CCDC60: variants seen among roughly 807,000 people sequenced by gnomAD.
The protein encoded by CCDC60 is coiled-coil domain containing 60.
In CCDC60, 54 loss-of-function variants were observed where a neutral mutation model predicts 63.5. The ratio of observed to expected loss-of-function variants is 0.85; its 90% CI spans 0.68 to 1.07. The LOEUF is 1.07. Among genes scored for constraint, CCDC60 ranks in the 50% least tolerant of loss-of-function variants. The pLI is 0.00. For missense variants in CCDC60, 651 were observed against 684.3 expected (o/e 0.95, Z 0.54); for synonymous variants, 206 against 238.8 (o/e 0.86, Z 1.27).
At chr12:119,419,683 G>T (rs1181957437) in intron 1 of CCDC60, among the ~76,000 whole-genome samples, 4 of 151,934 alleles carry the variant, frequency 2.6e-5, no homozygotes, top group Non-Finnish European at 4.4e-5. Flanking sequence ...TTCCTTCCCA[G>T]GGATCATTGT....
At chr12:119,446,861 G>A (rs564002630) in intron 2 of CCDC60, among the ~76,000 whole-genome samples, 5 of 152,132 alleles carry the variant, frequency 3.3e-5, no homozygotes, top group African/African-American at 1.2e-4. Context: ...AAGTCACAGG[G>A]AGTTGGTGGA....
intron 1 of CCDC60, among the ~76,000 whole-genome samples, chr12:119,394,522 A>G (rs1373543374): frequency 6.6e-6 from 1 of 152,180 alleles, no homozygotes; most frequent in Non-Finnish European, 1.5e-5. Flanking sequence ...GGCATCCCCT[A>G]AAAGCACAGT....
At position 119,483,896 on chromosome 12, in the gene CCDC60, T is replaced by C. The variant is rs568776438; in HGVS notation, c.449+4695T>C. On this transcript the variant is annotated intron_variant, in intron 4 of 13. Transcript: ENST00000327554. ...ATGCTATGACCTGACACATGATCATTATGAGAAAAGACCGATTTCTATCAA... is the reference window on the plus strand; with the variant it reads ...ATGCTATGACCTGACACATGATCATCATGAGAAAAGACCGATTTCTATCAA... 5.3e-4 allele frequency among the ~76,000 whole-genome samples: 81 copies of C among 152,142 alleles called. 2 individuals are homozygous for C. In the South Asian group the frequency reaches 0.016, roughly 31 times the overall value.
At chr12:119,375,746 A>G (rs1192093602) in intron 1 of CCDC60, among the ~76,000 whole-genome samples, 1 of 152,172 alleles carries the variant, frequency 6.6e-6, no homozygotes, top group East Asian at 1.9e-4. Flanking sequence ...CGTGGAGGGA[A>G]GTGGCTTGGA....
intron 6 of CCDC60, among the ~76,000 whole-genome samples, chr12:119,503,918 C>T (rs547594963): frequency 1.3e-5 from 2 of 152,266 alleles, no homozygotes; most frequent in African/African-American, 4.8e-5. Flanking sequence ...AAAGAAAACA[C>T]CAGTCTATCC....
intron 1 of CCDC60, among the ~76,000 whole-genome samples, chr12:119,424,864 G>A (rs1458072047): frequency 6.6e-6 from 1 of 152,142 alleles, no homozygotes; most frequent in African/African-American, 2.4e-5. Context: ...TGCTGACATA[G>A]TTGTGAGGCT....
Position 119,350,202 on chromosome 12 carries a change from TTTATTTA to T in CCDC60, c.90+14939_90+14945del, listed in dbSNP as rs1555230774. Among the ~76,000 whole-genome samples, 3 of 151,212 alleles carry T rather than the reference TTTATTTA, an allele frequency of 2.0e-5. No homozygotes were observed. In the South Asian group the frequency reaches 6.3e-4, roughly 32 times the overall value. On this transcript the variant is annotated intron_variant, in intron 1 of 13. Coordinates refer to ENST00000327554, the MANE Select transcript of CCDC60 (RefSeq NM_178499.5). The stretch of plus-strand genomic sequence containing the variant: ...ATTTATTTATTTATTTATTTATTTA[TTTATTTA>T]TTTTTTGAGACAGAGTCTCGCTCTG...
In CCDC60 at chr12:119,540,786, G is replaced by C. The variant is rs1475191028; in HGVS notation, c.*71G>C. Reference sequence around the variant, plus strand: ...TATATCATGTTCCTGTATCCTGCCTGTGTTCCTGCCTCCTGACTACCCTCA... The same window carrying C: ...TATATCATGTTCCTGTATCCTGCCTCTGTTCCTGCCTCCTGACTACCCTCA... On this transcript the variant is annotated 3_prime_UTR_variant, in exon 14 of 14. Coordinates refer to ENST00000327554, the MANE Select transcript of CCDC60 (RefSeq NM_178499.5). 1.8e-6 allele frequency: 2 copies of C among 1,095,002 alleles called. No homozygotes were observed. The highest frequency in any genetic ancestry group is 4.8e-5 in the East Asian group (2 of 41,910). The allele number at this position is 1,095,002 out of a possible 1,614,324, so 67.8% of individuals were successfully genotyped here. A position where few individuals can be genotyped will look rare whatever the true frequency, so the allele number is the denominator to read the frequency against.
At chr12:119,503,253 T>TA (rs746199712) in intron 6 of CCDC60, among the ~76,000 whole-genome samples, 14 of 152,338 alleles carry the variant, frequency 9.2e-5, no homozygotes, top group Non-Finnish European at 1.8e-4. Context: ...TTGTTCTAGA[T>TA]AAAATGGAAA....
intron 2 of CCDC60, chr12:119,429,506 T>A (rs915548034): frequency 6.6e-6 from 1 of 152,190 alleles, no homozygotes; most frequent in Non-Finnish European, 1.5e-5. Context: ...ACGTAAGATG[T>A]GTGCTGAGAG....
intron 5 of CCDC60, among the ~76,000 whole-genome samples, chr12:119,490,322 A>C (rs1050918610): frequency 2.6e-5 from 4 of 152,230 alleles, no homozygotes; most frequent in African/African-American, 9.6e-5. Context: ...AGTGGTTGAC[A>C]GACTTTATTT....
chr12:119,508,690 C>G (rs1463412801), intron 7 of CCDC60, among the ~76,000 whole-genome samples: 2 of 152,150 alleles, frequency 1.3e-5, no homozygotes, highest in African/African-American at 4.8e-5. Flanking sequence ...CCAGAGCACG[C>G]AGGGCCTTTG....
intron 2 of CCDC60, among the ~76,000 whole-genome samples, chr12:119,450,587 A>G (rs1019017455): frequency 6.6e-6 from 1 of 152,254 alleles, no homozygotes; most frequent in Admixed American, 6.5e-5. Flanking sequence ...GGCCGGGCGC[A>G]GTGGCTCACG....
At position 119,534,634 on chromosome 12, in the gene CCDC60, G is replaced by A. The variant is rs550558425; in HGVS notation, c.1551+3571G>A. Reference sequence around the variant, plus strand: ...AGAGTTTTTAGCATGAAGGGCTGTTGAATTTTGTCAAAGGCCTTTTCTGCA... The same window carrying A: ...AGAGTTTTTAGCATGAAGGGCTGTTAAATTTTGTCAAAGGCCTTTTCTGCA... On this transcript the variant is annotated intron_variant, in intron 13 of 13. Coordinates refer to ENST00000327554, the MANE Select transcript of CCDC60 (RefSeq NM_178499.5). 1.1e-4 allele frequency among the ~76,000 whole-genome samples: 16 copies of A among 152,310 alleles called. No homozygotes were observed. The South Asian group carries it at 3.1e-3, about 30-fold the overall frequency.
At chr12:119,522,879 G>A in intron 9 of CCDC60, 60 bp from the exon 10 acceptor site, 1 of 1,512,400 alleles carries the variant, frequency 6.6e-7, no homozygotes, top group Non-Finnish European at 9.2e-7. Context: ...GAGCACTGGG[G>A]GCACCCTTTT....
intron 1 of CCDC60, among the ~76,000 whole-genome samples, chr12:119,394,933 A>G (rs532129854): frequency 7.2e-5 from 11 of 152,292 alleles, no homozygotes; most frequent in African/African-American, 2.6e-4. Flanking sequence ...AGCATGACTA[A>G]CTCAGCCAGT....
chr12:119,524,721 C>CTTTTTTTTTTTTTTTTTTTTTTTT lies in CCDC60; in HGVS notation c.1229+922_1229+923insTTTTTTTTTTTTTTTTTTTTTTTT, dbSNP rs55694840. On this transcript the variant is annotated intron_variant, in intron 11 of 13. Coordinates refer to ENST00000327554, the MANE Select transcript of CCDC60 (RefSeq NM_178499.5). ...ACAGCAGTTTCTTTTCTTTTCTTTTCTTTTTTTTTTTTTTTTTTTGAGACA... is the reference window on the plus strand; with the variant it reads ...ACAGCAGTTTCTTTTCTTTTCTTTTCTTTTTTTTTTTTTTTTTTTTTTTTTTTTTTTTTTTTTTTTTTTGAGACA... Among the ~76,000 whole-genome samples the CTTTTTTTTTTTTTTTTTTTTTTTT allele has an allele frequency of 9.4e-4, 93 of 99,022 alleles. 4 individuals carry two copies. The highest frequency in any genetic ancestry group is 2.3e-3 in the East Asian group (8 of 3,456). 65.0% of individuals were successfully genotyped at this position (99,022 alleles called of 152,430 possible). A position where few individuals can be genotyped will look rare whatever the true frequency, so the allele number is the denominator to read the frequency against.
chr12:119,418,211 T>A (rs1956739431), intron 1 of CCDC60, among the ~76,000 whole-genome samples: 1 of 152,078 alleles, frequency 6.6e-6, no homozygotes, highest in East Asian at 1.9e-4. Flanking sequence ...GTGTGTATAT[T>A]TACAATTTTT....
chr12:119,395,197 G>A (rs1476994284), intron 1 of CCDC60, among the ~76,000 whole-genome samples: 1 of 152,256 alleles, frequency 6.6e-6, no homozygotes, highest in African/African-American at 2.4e-5. Flanking sequence ...ACACCCTGAA[G>A]AATTGAGGCT....
Sources: gnomAD v4.1 joint callset for allele counts (sites outside exome capture counted in the v4.1 genomes callset) on GRCh38, gnomAD v4.1.1 for gene constraint, MANE v1.5 for transcripts, NCBI Gene and HGNC (gene_info 2026-07-23, HGNC 2026-07-21) for gene names.